The following PCDHGA3 variants were observed in gnomAD, a reference collection of about 807,000 sequenced individuals.
PCDHGA3 encodes protocadherin gamma-A3.
PCDHGA3 carries 40 observed loss-of-function variants against 58.5 expected under a neutral mutation model. The ratio of observed to expected loss-of-function variants is 0.68; its 90% confidence interval spans 0.53 to 0.89. PCDHGA3 has a LOEUF of 0.89. Ranked by LOEUF, PCDHGA3 falls within the 40% of genes least tolerant of loss-of-function variation. PCDHGA3 has a pLI of 0.00. For synonymous variants in PCDHGA3, 530 were observed against 525.7 expected (o/e 1.01, Z -0.11); for missense variants, 1,223 against 1,195.9 (o/e 1.02, Z -0.33).
chr5:141,383,108 G>A, intron 1 of PCDHGA3: 2 of 1,614,020 alleles, frequency 1.2e-6, no homozygotes, highest in African/African-American at 2.7e-5. Flanking sequence ...ATCTCCAGAG[G>A]TAGGACGCAG....
At position 141,415,520 on chromosome 5, in the gene PCDHGA3, C is replaced by A. The variant is rs200535016; in HGVS notation, c.2424+69063C>A. The A allele has an allele frequency of 1.8e-4, 288 of 1,614,072 alleles. 3 individuals carry two copies. The highest frequency in any genetic ancestry group is 6.7e-5 in the Non-Finnish European group (79 of 1,180,044). On this transcript the variant is annotated intron_variant, in intron 1 of 3. Coordinates refer to ENST00000253812, the MANE Select transcript of PCDHGA3 (RefSeq NM_018916.4). Reference sequence around the variant, plus strand: ...TTCCCCCAGCCCAATTATGCGGACACGCTCATCAGCCAGGAGAGCTGTGAG... The same window carrying A: ...TTCCCCCAGCCCAATTATGCGGACAAGCTCATCAGCCAGGAGAGCTGTGAG...
rs1303365585 is a variant in PCDHGA3 at position 141,511,350 on chromosome 5, C to A, written c.*177C>A. 2.1e-5 allele frequency: 30 copies of A among 1,397,076 alleles called. No individual in the cohort carries two copies. Among genetic ancestry groups the A allele is most frequent in the African/African-American group, 1.7e-4 (12 of 68,780 alleles). The allele number at this position is 1,397,076 out of a possible 1,614,324, so 86.5% of individuals were successfully genotyped here. Reference sequence around the variant, plus strand: ...CCCAGTCAGCACCTACCCCTTCCCCCCCAGGGGGTTGAATATGCAAAAGCA... The same window carrying A: ...CCCAGTCAGCACCTACCCCTTCCCCACCAGGGGGTTGAATATGCAAAAGCA... On this transcript the variant is annotated 3_prime_UTR_variant, in exon 4 of 4. Transcript: ENST00000253812.
At chr5:141,350,118 T>G (rs1022914311) in intron 1 of PCDHGA3, 6 of 585,650 alleles carry the variant, frequency 1.0e-5, no homozygotes, top group African/African-American at 9.5e-5. Context: ...CTTTGTCCGG[T>G]GCACTGAGCA....
At chr5:141,388,112 C>T (rs1399745232) in intron 1 of PCDHGA3, 1 of 1,408,080 alleles carries the variant, frequency 7.1e-7, no homozygotes, top group South Asian at 1.2e-5. Flanking sequence ...CTTACTTCAC[C>T]GTGAGCGCAG....
chr5:141,347,969 A>T (rs755614604), intron 1 of PCDHGA3, among the ~76,000 whole-genome samples: 21 of 152,216 alleles, frequency 1.4e-4, no homozygotes, highest in Non-Finnish European at 7.3e-5. Context: ...TGAGAAGGAC[A>T]TCAAAAACAT....
At chr5:141,419,751 C>T (rs140649685) in intron 1 of PCDHGA3, 1 of 1,613,900 alleles carries the variant, frequency 6.2e-7, no homozygotes, top group African/African-American at 1.3e-5. Flanking sequence ...ATGGTGCGTG[C>T]TTTGGGTGAC....
rs564486909 is a variant in PCDHGA3, at chr5:141,428,072, G to A, written c.2425-66735G>A. The A allele has an allele frequency of 1.6e-5, 25 of 1,609,080 alleles. No individual in the cohort carries two copies. The South Asian group carries it at 1.9e-4, about 12-fold the overall frequency. On this transcript the variant is annotated intron_variant, in intron 1 of 3. Coordinates refer to ENST00000253812, the MANE Select transcript of PCDHGA3 (RefSeq NM_018916.4). The stretch of plus-strand genomic sequence containing the variant: ...AGGTGGTGGCGGTGGACGCAGATTC[G>A]GGACACAACGCTTGGCTGTCCTACC...
At chr5:141,416,010 A>T (rs968655183) in intron 1 of PCDHGA3, 5 of 245,908 alleles carry the variant, frequency 2.0e-5, no homozygotes, top group Non-Finnish European at 3.0e-5. Flanking sequence ...TGGTAAGAAT[A>T]GGTAAGTATC....
intron 1 of PCDHGA3, chr5:141,423,835 C>T (rs1371309974): frequency 1.2e-5 from 15 of 1,278,290 alleles, no homozygotes; most frequent in African/African-American, 9.4e-5. Flanking sequence ...CATGAGATTA[C>T]GATAATCTTT....
chr5:141,344,775 C>A lies in PCDHGA3; in HGVS notation c.742C>A (p.Arg248Ser), dbSNP rs749298482. 6.2e-7 allele frequency: 1 copy of A among 1,613,954 alleles called. No homozygotes were observed. Among genetic ancestry groups the A allele is most frequent in the South Asian group, 1.1e-5 (1 of 91,072 alleles). Residue 248 changes from arginine (R) to serine (S), a missense_variant, in exon 1 of 4, where the codon CGT (arginine) becomes AGT (serine). Physicochemically the swap from Arg to Ser is moderately radical, Grantham distance 110. Around this residue, in one of 3 missense-constraint regions of PCDHGA3, gnomAD observed 791 missense variants for 708.5 expected, o/e 1.12. Transcript: ENST00000253812. Reference protein sequence around the residue: ...NPPMFTQPEYRVSVWENVPVG... With the variant: ...NPPMFTQPEYSVSVWENVPVG... ...ACCAATGTTTACTCAGCCTGAGTAC[C>A]GTGTGAGTGTTTGGGAGAACGTGCC...
chr5:141,498,805 C>T (rs1397026274), intron 2 of PCDHGA3, among the ~76,000 whole-genome samples: 1 of 152,000 alleles, frequency 6.6e-6, no homozygotes, highest in Non-Finnish European at 1.5e-5. Flanking sequence ...TGGTGGTGCA[C>T]ACCTGTAGTC....
intron 1 of PCDHGA3, among the ~76,000 whole-genome samples, chr5:141,452,299 A>G (rs2098738116): frequency 6.6e-6 from 1 of 152,176 alleles, no homozygotes; most frequent in African/African-American, 2.4e-5. Flanking sequence ...ATAAGAAAAT[A>G]TTAGAGACTC....
chr5:141,461,088 G>A (rs2099008870), intron 1 of PCDHGA3, among the ~76,000 whole-genome samples: 1 of 151,800 alleles, frequency 6.6e-6, no homozygotes, highest in Non-Finnish European at 1.5e-5. Context: ...GAATTGTGCT[G>A]CTATAAACAT....
chr5:141,414,778 C>G, intron 1 of PCDHGA3: 5 of 1,614,202 alleles, frequency 3.1e-6, no homozygotes, highest in Non-Finnish European at 3.4e-6. Context: ...GCTACAGATG[C>G]AGGTGACAGC....
intron 1 of PCDHGA3, chr5:141,378,952 A>C (rs1276367452): frequency 6.6e-6 from 1 of 152,232 alleles, no homozygotes; most frequent in East Asian, 1.9e-4. Flanking sequence ...AATGGAGTAC[A>C]GGGGATTCTC....
intron 1 of PCDHGA3, chr5:141,418,890 G>A (rs1449142412): frequency 1.9e-6 from 3 of 1,613,934 alleles, no homozygotes; most frequent in Non-Finnish European, 2.5e-6. Flanking sequence ...AACGACAACA[G>A]CCCAGAAATA....
rs753664223 is a variant in PCDHGA3 at position 141,410,518 on chromosome 5, C to G, written c.2424+64061C>G. 5.0e-6 allele frequency: 8 copies of G among 1,613,820 alleles called. No homozygotes were observed. In the East Asian group the frequency reaches 1.8e-4, roughly 36 times the overall value. On this transcript the variant is annotated intron_variant, in intron 1 of 3. Coordinates refer to ENST00000253812, the MANE Select transcript of PCDHGA3 (RefSeq NM_018916.4). ...TTAATTTCCTAAAATGCAGTGTGCC[C>G]CTACATTCCAATGAAGACATGGTTT...
At chr5:141,371,714 G>A (rs1286462285) in intron 1 of PCDHGA3, 1 of 1,613,920 alleles carries the variant, frequency 6.2e-7, no homozygotes, top group Non-Finnish European at 8.5e-7. Context: ...CCATCACTCT[G>A]CACATCCTTG....
chr5:141,455,660 G>A (rs1485792613), intron 1 of PCDHGA3, among the ~76,000 whole-genome samples: 1 of 152,134 alleles, frequency 6.6e-6, no homozygotes, highest in Non-Finnish European at 1.5e-5. Flanking sequence ...CCAGGAACTT[G>A]TGGGGCAAGG....
Sources: allele counts gnomAD v4.1 joint callset (sites outside exome capture counted in the v4.1 genomes callset), GRCh38; gene constraint gnomAD v4.1.1; regional missense constraint gnomAD v4.1.1; transcripts MANE v1.5; gene names NCBI Gene and HGNC (gene_info 2026-07-23, HGNC 2026-07-21).